The following SIL1 variants were observed in gnomAD, a reference collection of about 807,000 sequenced individuals.
SIL1 encodes the protein SIL1 nucleotide exchange factor.
In SIL1, 40 loss-of-function variants were observed where a neutral mutation model predicts 49.1. The observed-to-expected ratio is 0.81, with a 90% CI of 0.63 to 1.06. The LOEUF (loss-of-function observed/expected upper bound fraction) is 1.06. Ranked by LOEUF, SIL1 falls within the 50% of genes least tolerant of loss-of-function variation. The probability of loss-of-function intolerance (pLI) is 0.00; values close to 1 mark genes in which losing one functional copy is unlikely to be tolerated. For synonymous variants in SIL1, 253 were observed against 250.8 expected, an observed-to-expected ratio of 1.01 and a Z score of -0.08; for missense variants, 500 against 572.6, an observed-to-expected ratio of 0.87 and a Z score of 1.29.
chr5:139,175,216 G>A (rs1271197818), intron 1 of SIL1, among the ~76,000 whole-genome samples: 1 of 152,212 alleles, frequency 6.6e-6, no homozygotes, highest in Non-Finnish European at 1.5e-5. Context: ...CAGTTACTCA[G>A]AAGGCTGAGG....
At chr5:139,040,840 C>T (rs954556466) in intron 5 of SIL1, among the ~76,000 whole-genome samples, 6 of 152,070 alleles carry the variant, frequency 3.9e-5, no homozygotes, top group African/African-American at 1.2e-4. Flanking sequence ...CTTGGTTATA[C>T]ATTTTGAAAT....
intron 7 of SIL1, among the ~76,000 whole-genome samples, chr5:138,983,238 G>A (rs1767570965): frequency 6.8e-6 from 1 of 147,132 alleles, no homozygotes; most frequent in Admixed American, 6.9e-5. Flanking sequence ...GCCGGGCGCG[G>A]TGGCTCACAC....
At chr5:138,997,683 C>T (rs966489958) in intron 7 of SIL1, among the ~76,000 whole-genome samples, 3 of 152,200 alleles carry the variant, frequency 2.0e-5, no homozygotes, top group Non-Finnish European at 2.9e-5. Flanking sequence ...CTCAGCCTCC[C>T]GAATAGCTGG....
Position 138,947,584 on chromosome 5 carries a change from G to A in SIL1, c.1030-111C>T, listed in dbSNP as rs1268994921. The stretch of plus-strand genomic sequence containing the variant: ...CTGCCCTTCAGACAGGAAGGCACGA[G>A]GCTGACCCCTGAGGGCCCACCTCTT... On this transcript the variant is annotated intron_variant, in intron 9 of 9. Coordinates refer to ENST00000394817, the MANE Select transcript of SIL1 (RefSeq NM_022464.5). This position sits in a 1 kb window ranked among gnomAD's most constrained non-coding sequence, Gnocchi z 4.1. 2.2e-6 allele frequency: 2 copies of A among 909,616 alleles called. No homozygotes were observed. Among genetic ancestry groups the A allele is most frequent in the East Asian group, 4.8e-5 (2 of 41,278 alleles). The allele number at this position is 909,616 out of a possible 1,614,324, so 56.3% of individuals were successfully genotyped here.
Position 138,948,817 on chromosome 5 carries a change from C to T in SIL1, c.1030-1344G>A, listed in dbSNP as rs1252191649. On this transcript the variant is annotated intron_variant, in intron 9 of 9. Transcript: ENST00000394817. The surrounding 1 kb of genome is among the most constrained non-coding windows in gnomAD (Gnocchi z 4.8). ...GGAGCTGCCTAGGTCAGGAGGGCAG[C>T]GGGTTCCTTACGGGAGAGCGGTTGT... Among the ~76,000 whole-genome samples the T allele has an allele frequency of 6.6e-6, 1 of 152,180 alleles. No individual in the cohort carries two copies. The highest frequency in any genetic ancestry group is 6.5e-5 in the Admixed American group (1 of 15,284).
At chr5:139,016,804 A>C (rs1768410915) in intron 7 of SIL1, 1 of 152,158 alleles carries the variant, frequency 6.6e-6, no homozygotes, top group African/African-American at 2.4e-5. Flanking sequence ...CAAGTACATT[A>C]ATTTAATGCC....
At chr5:139,120,517 CT>C (rs1483199048) in intron 3 of SIL1, among the ~76,000 whole-genome samples, 1 of 151,990 alleles carries the variant, frequency 6.6e-6, no homozygotes, top group East Asian at 1.9e-4. Flanking sequence ...TATTTTAAGC[CT>C]TGGGCCCAGG....
chr5:139,165,547 A>G (rs1184666745), intron 1 of SIL1, among the ~76,000 whole-genome samples: 1 of 152,122 alleles, frequency 6.6e-6, no homozygotes, highest in Non-Finnish European at 1.5e-5. Context: ...ACAGGGTTTC[A>G]CCATGTTAGC....
chr5:139,041,110 C>T (rs1030287089), intron 5 of SIL1, among the ~76,000 whole-genome samples: 12 of 152,196 alleles, frequency 7.9e-5, no homozygotes, highest in African/African-American at 2.9e-4. Context: ...CCAGGCACTC[C>T]TCTGCTGGCC....
intron 1 of SIL1, among the ~76,000 whole-genome samples, chr5:139,197,009 C>A (rs1487591941): frequency 6.6e-6 from 1 of 152,166 alleles, no homozygotes; most frequent in Non-Finnish European, 1.5e-5. Flanking sequence ...TGGCTCATGC[C>A]TGTAATCCCA....
intron 7 of SIL1, among the ~76,000 whole-genome samples, chr5:138,990,605 T>C (rs1277204923): frequency 6.6e-6 from 1 of 152,114 alleles, no homozygotes; most frequent in Non-Finnish European, 1.5e-5. Flanking sequence ...TTTTGTTGTT[T>C]TTGTTAGAGA....
At chr5:139,142,368 T>C (rs1751096834) in intron 1 of SIL1, among the ~76,000 whole-genome samples, 2 of 152,298 alleles carry the variant, frequency 1.3e-5, no homozygotes, top group South Asian at 2.1e-4. Flanking sequence ...TCTCTTATAA[T>C]ATACATGCAA....
chr5:139,055,676 C>T (rs1431208644), intron 3 of SIL1, among the ~76,000 whole-genome samples: 10 of 143,554 alleles, frequency 7.0e-5, no homozygotes, highest in African/African-American at 1.8e-4. Flanking sequence ...CCTCTCCCCA[C>T]GGTCTCCCTC....
At chr5:139,070,003 C>T (rs544723408) in intron 3 of SIL1, among the ~76,000 whole-genome samples, 17 of 152,096 alleles carry the variant, frequency 1.1e-4, no homozygotes, top group African/African-American at 4.1e-4. Flanking sequence ...ACATCCCAGA[C>T]AATGAAAATA....
chr5:139,192,736 C>T (rs926102568), intron 1 of SIL1, among the ~76,000 whole-genome samples: 4 of 151,800 alleles, frequency 2.6e-5, no homozygotes, highest in Admixed American at 2.0e-4. Flanking sequence ...GTGGTTCACA[C>T]TTAATAATCC....
intron 7 of SIL1, among the ~76,000 whole-genome samples, chr5:139,000,033 GTCT>G (rs1477843368): frequency 6.6e-6 from 1 of 152,128 alleles, no homozygotes; most frequent in African/African-American, 2.4e-5. Context: ...AGGCATCTTT[GTCT>G]TCTTCCTGAT....
intron 1 of SIL1, among the ~76,000 whole-genome samples, chr5:139,182,090 G>A (rs1561893524): frequency 6.6e-6 from 1 of 152,138 alleles, no homozygotes; most frequent in Non-Finnish European, 1.5e-5. Context: ...ATTCAGAAGT[G>A]CCAAGTGCAG....
At chr5:138,968,094 C>T (rs570975977) in intron 7 of SIL1, among the ~76,000 whole-genome samples, 5 of 152,190 alleles carry the variant, frequency 3.3e-5, no homozygotes, top group East Asian at 3.9e-4. Flanking sequence ...ACATCCAAGT[C>T]GGAAGTCCTT....
At chr5:139,052,910 CT>C (rs1398855367) in intron 3 of SIL1, among the ~76,000 whole-genome samples, 7 of 152,140 alleles carry the variant, frequency 4.6e-5, no homozygotes, top group African/African-American at 1.7e-4. Flanking sequence ...GGGCTGCTGG[CT>C]TGGTACCACC....
Sources: allele counts gnomAD v4.1 joint callset (sites outside exome capture counted in the v4.1 genomes callset), GRCh38; gene constraint gnomAD v4.1.1; non-coding constraint Gnocchi (gnomAD v3.1); transcripts MANE v1.5; gene names NCBI Gene and HGNC (gene_info 2026-07-23, HGNC 2026-07-21).